Variants in ADAR observed in about 807,000 individuals in gnomAD.
ADAR encodes the protein adenosine deaminase RNA specific.
ADAR carries 41 observed loss-of-function variants against 113.2 expected under a neutral mutation model. The ratio of observed to expected loss-of-function variants is 0.36; its 90% CI spans 0.28 to 0.47. The LOEUF (loss-of-function observed/expected upper bound fraction) is 0.47, where lower values mean the gene tolerates loss of function less well. Ranked by LOEUF, ADAR falls within the 20% of genes least tolerant of loss-of-function variation. The pLI is 1.00. For missense variants in ADAR, 1,242 were observed against 1,540.9 expected (o/e 0.81, Z 3.25); for synonymous variants, 605 against 572.6 (o/e 1.06, Z -0.81).
At position 154,598,438 on chromosome 1, in the gene ADAR, T is replaced by C. The variant is rs1444781289; in HGVS notation, c.1749A>G (p.Glu583=). 2 of 1,614,198 alleles carry C rather than the reference T, an allele frequency of 1.2e-6. No homozygotes were observed. The highest frequency in any genetic ancestry group is 8.5e-7 in the Non-Finnish European group (1 of 1,180,040). ...AKAKDSGKSE[E]SSHYSTEKES... ...CTTTCTCTGTGGAATAGTGGGATGA[T>C]TCTTCTGATTTTCCACTGTCCTTGG... Residue 583 remains glutamate, a synonymous_variant, in exon 3 of 15, where the codon GAA becomes GAG. Coordinates refer to ENST00000368474, the MANE Select transcript of ADAR (RefSeq NM_001111.5).
At chr1:154,615,699 C>T (rs1698616533) in intron 1 of ADAR, among the ~76,000 whole-genome samples, 1 of 152,170 alleles carries the variant, frequency 6.6e-6, no homozygotes, top group Non-Finnish European at 1.5e-5. Flanking sequence ...CAGGCGTGAG[C>T]CACCATGCCT....
At chr1:154,620,448 T>C (rs908252775) in intron 1 of ADAR, among the ~76,000 whole-genome samples, 1 of 151,920 alleles carries the variant, frequency 6.6e-6, no homozygotes, top group African/African-American at 2.4e-5. Context: ...AAATTTTATG[T>C]TGTGTATTTT....
At chr1:154,597,515 G>A (rs1487055265) in intron 4 of ADAR, among the ~76,000 whole-genome samples, 1 of 152,152 alleles carries the variant, frequency 6.6e-6, no homozygotes, top group East Asian at 1.9e-4. Context: ...GAACATGTGA[G>A]TCTATAGACC....
At chr1:154,590,082 T>G (rs1378026157) in intron 7 of ADAR, 102 bp downstream of exon 7, 2 of 1,489,668 alleles carry the variant, frequency 1.3e-6, no homozygotes, top group Non-Finnish European at 1.9e-6. Context: ...AGGCTAAGAG[T>G]AAAGCCTAGG....
chr1:154,608,845 T>TGGGGGGGG (rs1557898287), upstream of ADAR: 7 of 86,980 alleles, frequency 8.0e-5, no homozygotes, highest in Middle Eastern at 7.6e-3. Context: ...GGGGAGGGGA[T>TGGGGGGGG]GGGCGGGAGC....
chr1:154,621,930 G>C (rs1255967254), intron 1 of ADAR, among the ~76,000 whole-genome samples: 1 of 152,148 alleles, frequency 6.6e-6, no homozygotes, highest in East Asian at 1.9e-4. Flanking sequence ...CTTTTTTGTT[G>C]TTGTCAAAAG....
chr1:154,615,585 A>T (rs923212364), intron 1 of ADAR, among the ~76,000 whole-genome samples: 25 of 151,534 alleles, frequency 1.6e-4, no homozygotes, highest in South Asian at 6.3e-4. Context: ...AATTAAAAAA[A>T]TTTTTTTTCG....
intron 1 of ADAR, 102 bp downstream of exon 1, chr1:154,607,890 C>CT (rs1426901948): frequency 2.2e-5 from 35 of 1,558,648 alleles, no homozygotes; most frequent in South Asian, 1.9e-4. Flanking sequence ...CACACACACT[C>CT]TAACACTCAC....
chr1:154,622,144 C>T (rs1698805794), intron 1 of ADAR, among the ~76,000 whole-genome samples: 1 of 152,092 alleles, frequency 6.6e-6, no homozygotes, highest in African/African-American at 2.4e-5. Flanking sequence ...AGAGTGGGCT[C>T]TGAGCCACTG....
upstream of ADAR, among the ~76,000 whole-genome samples, chr1:154,611,786 T>C (rs1325059704): frequency 6.6e-6 from 1 of 152,186 alleles, no homozygotes; most frequent in Non-Finnish European, 1.5e-5. Flanking sequence ...GGTCTACTTA[T>C]TAAAAACCAC....
chr1:154,597,775 CTCTT>C, intron 4 of ADAR, 49 bp downstream of exon 4: 1 of 1,611,378 alleles, frequency 6.2e-7, no homozygotes, highest in South Asian at 1.1e-5. Flanking sequence ...GAAAATGTGT[CTCTT>C]TTTCTTTCTG....
intron 12 of ADAR, 64 bp downstream of exon 12, chr1:154,586,117 T>C (rs771709753): frequency 2.7e-5 from 43 of 1,592,246 alleles, no homozygotes; most frequent in Non-Finnish European, 3.4e-5. Flanking sequence ...CAATAAAGCA[T>C]GCAGTTTGGG....
Position 154,601,032 on chromosome 1 carries a change from G to C in ADAR, c.1601+9C>G, listed in dbSNP as rs1571105678. The C allele has an allele frequency of 6.2e-7, 1 of 1,614,054 alleles. No individual in the cohort carries two copies. Among genetic ancestry groups the C allele is most frequent in the Non-Finnish European group, 8.5e-7 (1 of 1,180,028 alleles). On this transcript the variant is annotated intron_variant, in intron 2 of 14. Transcript: ENST00000368474. The surrounding 1 kb of genome is among the most constrained non-coding windows in gnomAD (Gnocchi z 4.7). ...CAACCCTAGGTACAGTTCCTGGGTG[G>C]TCTCTTACCGAGGTTCATGGGGTGG...
At chr1:154,604,438 C>T (rs1698066464) in intron 1 of ADAR, among the ~76,000 whole-genome samples, 2 of 152,234 alleles carry the variant, frequency 1.3e-5, no homozygotes, top group African/African-American at 2.4e-5. Flanking sequence ...GGCCCACTGT[C>T]CCCCTTTTCT....
chr1:154,589,710 C>T lies in ADAR; in HGVS notation c.2668+47G>A, dbSNP rs72999489. Reference sequence around the variant, plus strand: ...ACTCCAGGGGAGGATGAGAGGCACCCGCTTTCAGGCGCCATGGGAGGCGGC... The same window carrying T: ...ACTCCAGGGGAGGATGAGAGGCACCTGCTTTCAGGCGCCATGGGAGGCGGC... On this transcript the variant is annotated intron_variant, in intron 8 of 14. Transcript: ENST00000368474. 3,683 of 1,612,096 alleles carry T rather than the reference C, an allele frequency of 2.3e-3. 70 individuals are homozygous for T. The African/African-American group carries it at 0.044, about 19-fold the overall frequency.
At chr1:154,609,593 G>T (rs1304383141), upstream of ADAR, among the ~76,000 whole-genome samples, 1 of 152,162 alleles carries the variant, frequency 6.6e-6, no homozygotes, top group African/African-American at 2.4e-5. Context: ...ATTTACAAGG[G>T]AGGCCTTCCC....
chr1:154,585,391 A>G (rs761153963), intron 13 of ADAR, 47 bp from the exon 14 acceptor site: 32 of 1,613,084 alleles, frequency 2.0e-5, no homozygotes, highest in Middle Eastern at 3.3e-4. Flanking sequence ...CCTTTCAGGA[A>G]TAAGATTCTG....
At chr1:154,615,796 T>A (rs1571144449) in intron 1 of ADAR, among the ~76,000 whole-genome samples, 1 of 152,302 alleles carries the variant, frequency 6.6e-6, no homozygotes, top group East Asian at 1.9e-4. Flanking sequence ...CTGATTTTAT[T>A]TTTTTCTAGG....
intron 8 of ADAR, 62 bp downstream of exon 8, chr1:154,589,692 GGGA>G: frequency 1.3e-6 from 2 of 1,594,034 alleles, no homozygotes; most frequent in Admixed American, 3.3e-5. Context: ...TGGACTCCAG[GGGA>G]GGATGAGAGG....
Sources: gnomAD v4.1 joint callset for allele counts (sites outside exome capture counted in the v4.1 genomes callset) on GRCh38, gnomAD v4.1.1 for gene constraint, Gnocchi (gnomAD v3.1) non-coding constraint, MANE v1.5 for transcripts, NCBI Gene and HGNC (gene_info 2026-07-23, HGNC 2026-07-21) for gene names.